Variants in CFAP54 observed in about 807,000 individuals in gnomAD.
CFAP54 encodes cilia and flagella associated protein 54, also known as cilia- and flagella-associated protein 54.
In CFAP54, 290 loss-of-function variants were observed where a neutral mutation model predicts 370.4. That is an observed-to-expected ratio of 0.78 (90% CI 0.71 to 0.86). The LOEUF (loss-of-function observed/expected upper bound fraction) is 0.86, where lower values mean the gene tolerates loss of function less well. Ranked by LOEUF, CFAP54 falls within the 40% of genes least tolerant of loss-of-function variation. CFAP54 has a pLI of 0.00. For synonymous variants in CFAP54, 1,206 were observed against 1,236.5 expected, an observed-to-expected ratio of 0.98 and a Z score of 0.52; for missense variants, 3,399 against 3,528.7, an observed-to-expected ratio of 0.96 and a Z score of 0.93.
At chr12:96,600,738 A>G (rs1956231021) in intron 26 of CFAP54, among the ~76,000 whole-genome samples, 2 of 152,028 alleles carry the variant, frequency 1.3e-5, no homozygotes, top group African/African-American at 4.8e-5. Context: ...ATGGGAGTTC[A>G]CTCATGATTT....
At chr12:96,828,750 C>T (rs1959156042) in intron 65 of CFAP54, among the ~76,000 whole-genome samples, 1 of 152,130 alleles carries the variant, frequency 6.6e-6, no homozygotes, top group Admixed American at 6.6e-5. Context: ...CATTCCAGGG[C>T]TCTCTTCTCA....
intron 48 of CFAP54, among the ~76,000 whole-genome samples, chr12:96,715,150 A>G (rs1957661494): frequency 6.6e-6 from 1 of 152,144 alleles, no homozygotes; most frequent in African/African-American, 2.4e-5. Context: ...TTAAGGAGAG[A>G]AGAGAAGGGA....
At position 96,688,996 on chromosome 12, in the gene CFAP54, T is replaced by C. The variant is rs2136561761; in HGVS notation, c.6081+14T>C. 2 of 1,488,638 alleles carry C rather than the reference T, an allele frequency of 1.3e-6. No homozygotes were observed. The highest frequency in any genetic ancestry group is 2.4e-5 in the Admixed American group (1 of 41,188). The allele number at this position is 1,488,638 out of a possible 1,614,324, so 92.2% of individuals were successfully genotyped here. On this transcript the variant is annotated intron_variant, in intron 43 of 67. Transcript: ENST00000524981. ...TTACTCTTTCAGGTAACACTCTATG[T>C]ATGTATGTTTTTCCATTGTAGCACA...
chr12:96,626,705 A>T (rs1956552642), intron 29 of CFAP54, 108 bp from the exon 30 acceptor site: 1 of 517,264 alleles, frequency 1.9e-6, no homozygotes, highest in Middle Eastern at 4.5e-4. Context: ...TAAAAAGCAG[A>T]TTAATAAACT....
Position 96,554,226 on chromosome 12 carries a change from C to T in CFAP54, c.2199C>T (p.Asp733=), listed in dbSNP as rs1955727979. Reference sequence around the variant, plus strand: ...TACTTTTTGCTTATAAACTTCTTGACAGAGCAATCGGTGGAATAAATTTGA... The same window carrying T: ...TACTTTTTGCTTATAAACTTCTTGATAGAGCAATCGGTGGAATAAATTTGA... The part of the protein sequence containing the change: ...EQLLFAYKLL[D]RAIGGINLNC... The change falls in exon 16 of 68, where the codon GAC becomes GAT. Residue 733 remains aspartate (D), a synonymous_variant. Transcript: ENST00000524981. 2 of 1,525,620 alleles carry T rather than the reference C, an allele frequency of 1.3e-6. No individual in the cohort carries two copies. The highest frequency in any genetic ancestry group is 2.5e-5 in the East Asian group (1 of 40,282). The allele number at this position is 1,525,620 out of a possible 1,614,324, so 94.5% of individuals were successfully genotyped here. A position where few individuals can be genotyped will look rare whatever the true frequency, so the allele number is the denominator to read the frequency against.
At chr12:96,862,093 T>A (rs1437064859) in intron 67 of CFAP54, among the ~76,000 whole-genome samples, 1 of 152,144 alleles carries the variant, frequency 6.6e-6, no homozygotes, top group African/African-American at 2.4e-5. Context: ...TTTGATAATA[T>A]AAGAAAAAGT....
chr12:96,865,151 A>T (rs1408791491), intron 67 of CFAP54, among the ~76,000 whole-genome samples: 4 of 152,182 alleles, frequency 2.6e-5, no homozygotes, highest in African/African-American at 4.8e-5. Flanking sequence ...TTTCTGATGC[A>T]TTGATTATAA....
intron 60 of CFAP54, among the ~76,000 whole-genome samples, chr12:96,775,086 A>G (rs540415795): frequency 3.0e-4 from 45 of 152,300 alleles, no homozygotes; most frequent in African/African-American, 9.9e-4. Flanking sequence ...GTAGCATAAA[A>G]GGAACCATAG....
intron 66 of CFAP54, among the ~76,000 whole-genome samples, chr12:96,846,756 G>A (rs1008073691): frequency 4.6e-5 from 7 of 152,148 alleles, no homozygotes; most frequent in Non-Finnish European, 1.0e-4. Context: ...AGGGCTGTGC[G>A]TGCAGACTGG....
intron 48 of CFAP54, among the ~76,000 whole-genome samples, chr12:96,710,009 A>G (rs1957593335): frequency 6.6e-6 from 1 of 152,126 alleles, no homozygotes; most frequent in Admixed American, 6.6e-5. Context: ...GAGCCACTGC[A>G]TGTGGCCAAT....
intron 1 of CFAP54, among the ~76,000 whole-genome samples, chr12:96,491,151 A>C (rs1954879920): frequency 6.6e-6 from 1 of 152,018 alleles, no homozygotes; most frequent in Non-Finnish European, 1.5e-5. Context: ...TTGCAATTTT[A>C]AATGGGGTGG....
chr12:96,594,036 A>G (rs1454840979), intron 24 of CFAP54, among the ~76,000 whole-genome samples: 4 of 152,110 alleles, frequency 2.6e-5, no homozygotes, highest in Non-Finnish European at 5.9e-5. Flanking sequence ...TTTTTAGCTT[A>G]TTGATAAAAA....
chr12:96,560,867 T>G (rs1955807182), intron 17 of CFAP54, among the ~76,000 whole-genome samples: 1 of 152,228 alleles, frequency 6.6e-6, no homozygotes, highest in African/African-American at 2.4e-5. Context: ...CTTCCTGAAT[T>G]AATTATTACA....
At chr12:96,792,262 A>G (rs975086042) in intron 62 of CFAP54, 67 bp from the exon 63 acceptor site, 255 of 1,321,266 alleles carry the variant, frequency 1.9e-4, no homozygotes, top group Non-Finnish European at 4.0e-5. Flanking sequence ...ATAGCCAAAT[A>G]ATTTGTTTCA....
intron 17 of CFAP54, among the ~76,000 whole-genome samples, chr12:96,555,578 G>A (rs1210981267): frequency 1.3e-5 from 2 of 148,272 alleles, no homozygotes; most frequent in Non-Finnish European, 3.0e-5. Context: ...TATATAATAT[G>A]TAATATATAA....
Position 96,708,744 on chromosome 12 carries a change from A to C in CFAP54, c.6665A>C (p.Glu2222Ala). Residue 2222 changes from glutamate to alanine, a missense_variant, in exon 48 of 68, where the codon GAA (glutamate) becomes GCA (alanine). By Grantham distance (107) the Glu-to-Ala change is moderately radical (BLOSUM62 -1). This residue lies in a region of CFAP54 where 2,796 missense variants were observed against 2,869.7 expected (regional missense o/e 0.97). Transcript: ENST00000524981. Reference sequence around the variant, plus strand: ...GCTGCGACAATAAATTGTGTCCCAGAAAATAAATTTAAGACAGTAATTACC... The same window carrying C: ...GCTGCGACAATAAATTGTGTCCCAGCAAATAAATTTAAGACAGTAATTACC... Reference protein sequence around the residue: ...SVAATINCVPENKFKTVITNK... With the variant: ...SVAATINCVPANKFKTVITNK... 1.9e-6 allele frequency: 3 copies of C among 1,612,240 alleles called. No individual in the cohort carries two copies. The highest frequency in any genetic ancestry group is 2.5e-6 in the Non-Finnish European group (3 of 1,179,376).
intron 60 of CFAP54, among the ~76,000 whole-genome samples, chr12:96,784,503 A>T (rs1200276842): frequency 2.7e-5 from 4 of 147,122 alleles, no homozygotes; most frequent in Non-Finnish European, 5.9e-5. Flanking sequence ...AAGAGAGTTC[A>T]TATATATATA....
At chr12:96,682,454 C>A in intron 40 of CFAP54, 1 of 288,400 alleles carries the variant, frequency 3.5e-6, no homozygotes, top group Non-Finnish European at 5.2e-6. Flanking sequence ...TGTGTGATCA[C>A]AGCCTCAACC....
chr12:96,734,244 C>G (rs1160850249), intron 50 of CFAP54, among the ~76,000 whole-genome samples: 2 of 152,136 alleles, frequency 1.3e-5, no homozygotes, highest in Admixed American at 1.3e-4. Context: ...AATTTAGTCT[C>G]TCCCCACCTC....
Sources: allele counts gnomAD v4.1 joint callset (sites outside exome capture counted in the v4.1 genomes callset), GRCh38; gene constraint gnomAD v4.1.1; regional missense constraint gnomAD v4.1.1; transcripts MANE v1.5; gene names NCBI Gene and HGNC (gene_info 2026-07-23, HGNC 2026-07-21).